ARB2A: variants seen among roughly 807,000 people sequenced by gnomAD.
ARB2A encodes the protein ARB2 cotranscriptional regulator A, also known as cotranscriptional regulator ARB2A.
At chr5:93,984,607 C>T in the ARB2A span, among the ~76,000 whole-genome samples, 2 of 152,148 alleles carry the variant, frequency 1.3e-5, no homozygotes, top group Non-Finnish European at 1.5e-5. Context: ...TCAAATACTA[C>T]CCTCCAAACT....
At chr5:93,939,820 C>T in the ARB2A span, among the ~76,000 whole-genome samples, 7 of 152,044 alleles carry the variant, frequency 4.6e-5, no homozygotes, top group African/African-American at 9.7e-5. Flanking sequence ...ATACATTCAT[C>T]GTAAGTTCTA....
At chr5:93,672,794 A>C in the ARB2A span, among the ~76,000 whole-genome samples, 2 of 152,216 alleles carry the variant, frequency 1.3e-5, no homozygotes, top group Non-Finnish European at 2.9e-5. Context: ...GTTTACAAAT[A>C]TGATTTTGGC....
chr5:93,839,323 T>C, the ARB2A span, among the ~76,000 whole-genome samples: 2 of 152,200 alleles, frequency 1.3e-5, no homozygotes, highest in East Asian at 1.9e-4. Context: ...TAGTTTCATG[T>C]GATTAATCAC....
At chr5:93,830,321 A>G in the ARB2A span, among the ~76,000 whole-genome samples, 10,502 of 26,864 alleles carry the variant, frequency 0.39, 1,062 homozygotes, top group African/African-American at 0.43. Flanking sequence ...GTATATATAT[A>G]TATATATATA....
the ARB2A span, among the ~76,000 whole-genome samples, chr5:94,001,422 TTCTC>T: frequency 6.6e-6 from 1 of 152,062 alleles, no homozygotes; most frequent in Non-Finnish European, 1.5e-5. Context: ...CAGTATTCCT[TTCTC>T]TCTCTTCCGT....
At chr5:93,676,050 G>C in the ARB2A span, among the ~76,000 whole-genome samples, 1 of 152,134 alleles carries the variant, frequency 6.6e-6, no homozygotes, top group Non-Finnish European at 1.5e-5. Flanking sequence ...AAGAAGCTCT[G>C]TACTGATTAA....
the ARB2A span, chr5:93,740,594 C>T: frequency 6.3e-7 from 1 of 1,597,510 alleles, no homozygotes; most frequent in Non-Finnish European, 8.6e-7. Flanking sequence ...CTGAGGAGGC[C>T]CAGAGTGGTG....
At chr5:93,855,871 A>G in the ARB2A span, among the ~76,000 whole-genome samples, 37 of 152,120 alleles carry the variant, frequency 2.4e-4, no homozygotes, top group African/African-American at 5.1e-4. Flanking sequence ...GGGAAAAAAC[A>G]GAGCAGAAAA....
chr5:93,741,067 C>T, the ARB2A span: 1 of 1,613,886 alleles, frequency 6.2e-7, no homozygotes. Context: ...GGCCTCGAAG[C>T]GGCAGATGGT....
At chr5:93,809,552 C>G in the ARB2A span, among the ~76,000 whole-genome samples, 1 of 151,808 alleles carries the variant, frequency 6.6e-6, no homozygotes, top group Admixed American at 6.6e-5. Flanking sequence ...TCATTTGATC[C>G]TCTTAGACTC....
the ARB2A span, among the ~76,000 whole-genome samples, chr5:94,005,576 T>C: frequency 1.3e-5 from 2 of 152,230 alleles, no homozygotes; most frequent in Non-Finnish European, 2.9e-5. Flanking sequence ...TTCAAATAAA[T>C]TTTAGCAAGC....
the ARB2A span, among the ~76,000 whole-genome samples, chr5:93,917,082 T>C: frequency 6.6e-6 from 1 of 152,172 alleles, no homozygotes; most frequent in Admixed American, 6.6e-5. Context: ...AACAAAATAA[T>C]GACAAATGTA....
the ARB2A span, among the ~76,000 whole-genome samples, chr5:94,090,227 A>C: frequency 1.1e-4 from 16 of 152,134 alleles, no homozygotes; most frequent in African/African-American, 3.9e-4. Context: ...GTTCTCCTTG[A>C]AGAAGTCCTT....
chr5:93,721,651 C>T, the ARB2A span, among the ~76,000 whole-genome samples: 1 of 152,080 alleles, frequency 6.6e-6, no homozygotes, highest in Non-Finnish European at 1.5e-5. Flanking sequence ...CGTTGAGGAA[C>T]TTATTAGCTG....
At chr5:93,704,249 G>T in the ARB2A span, among the ~76,000 whole-genome samples, 3 of 152,130 alleles carry the variant, frequency 2.0e-5, no homozygotes, top group Non-Finnish European at 4.4e-5. Flanking sequence ...CAGGAGAAAT[G>T]GTTCTTTTTA....
chr5:93,623,372 T>G, the ARB2A span, among the ~76,000 whole-genome samples: 1 of 152,204 alleles, frequency 6.6e-6, no homozygotes, highest in Non-Finnish European at 1.5e-5. Context: ...TTACTAAGGC[T>G]ATGATCAATT....
At chr5:93,889,802 G>T in the ARB2A span, among the ~76,000 whole-genome samples, 1 of 84,852 alleles carries the variant, frequency 1.2e-5, no homozygotes, top group Non-Finnish European at 2.8e-5. Flanking sequence ...ATTATAATAT[G>T]CATATTCAGG....
the ARB2A span, among the ~76,000 whole-genome samples, chr5:94,043,096 G>A: frequency 5.3e-5 from 8 of 151,970 alleles, no homozygotes; most frequent in East Asian, 3.9e-4. Flanking sequence ...AACTCTAACA[G>A]GTGTTCTTAA....
At chr5:93,743,955 C>T in the ARB2A span, among the ~76,000 whole-genome samples, 1 of 152,090 alleles carries the variant, frequency 6.6e-6, no homozygotes. Flanking sequence ...CATGAGCCAT[C>T]GCGCCTGGCT....
Sources: allele counts gnomAD v4.1 joint callset (sites outside exome capture counted in the v4.1 genomes callset), GRCh38; gene constraint gnomAD v4.1.1; transcripts MANE v1.5; gene names NCBI Gene and HGNC (gene_info 2026-07-23, HGNC 2026-07-21).